MOGAT3: variants seen among roughly 807,000 people sequenced by gnomAD.
The protein encoded by MOGAT3 is monoacylglycerol O-acyltransferase 3.
A neutral mutation model predicts 34.4 loss-of-function variants in MOGAT3; 39 were observed. The ratio of observed to expected loss-of-function variants is 1.13; its 90% CI spans 0.88 to 1.48. The LOEUF is 1.48. Ranked by LOEUF, MOGAT3 falls within the 40% of genes most tolerant of loss-of-function variation. The pLI is 0.00. For missense variants in MOGAT3, 439 were observed against 438.9 expected (o/e 1.00, Z 0.00); for synonymous variants, 209 against 179.2 (o/e 1.17, Z -1.33).
rs371825899 is a variant in MOGAT3 at position 101,196,171 on chromosome 7, G to C, written c.871+16C>G. 5 of 1,570,344 alleles carry C rather than the reference G, an allele frequency of 3.2e-6. No homozygotes were observed. Among genetic ancestry groups the C allele is most frequent in the Non-Finnish European group, 3.5e-6 (4 of 1,157,426 alleles). ...CGCAGCTGCTGGTGGCCGTCCCCCC[G>C]GAGGTGGGCACTCACCCACAGTGGT... On this transcript the variant is annotated intron_variant, in intron 6 of 6. Transcript: ENST00000223114.
rs1235672322 is a variant in MOGAT3 at position 101,195,751 on chromosome 7, C to T, written c.*195G>A. 2 of 597,170 alleles carry T rather than the reference C, an allele frequency of 3.3e-6. No homozygotes were observed. Among genetic ancestry groups the T allele is most frequent in the Non-Finnish European group, 5.9e-6 (2 of 339,338 alleles). 37.0% of individuals were successfully genotyped at this position (597,170 alleles called of 1,614,324 possible). A position where few individuals can be genotyped will look rare whatever the true frequency, so the allele number is the denominator to read the frequency against. ...TAATTTTTGTAGAAATGAAGTCTCA[C>T]TGTGTTGCCCAGGCTGGTCTTCAAC... is the stretch of plus-strand genomic sequence containing the variant. On this transcript the variant is annotated 3_prime_UTR_variant, in exon 7 of 7. Coordinates refer to ENST00000223114, the MANE Select transcript of MOGAT3 (RefSeq NM_178176.4).
chr7:101,198,398 A>T (rs1797858617), intron 4 of MOGAT3, 33 bp from the exon 5 acceptor site: 1 of 1,520,044 alleles, frequency 6.6e-7, no homozygotes, highest in African/African-American at 1.4e-5. Context: ...AGTAGTTCCC[A>T]TCTGCCTCCA....
chr7:101,200,018 A>G (rs999587217), intron 3 of MOGAT3, among the ~76,000 whole-genome samples: 2 of 151,526 alleles, frequency 1.3e-5, no homozygotes, highest in African/African-American at 4.8e-5. Flanking sequence ...GCTTGAACCT[A>G]GGAGGCGGAG....
intron 5 of MOGAT3, among the ~76,000 whole-genome samples, chr7:101,196,708 A>C (rs1193756834): frequency 6.6e-6 from 1 of 152,110 alleles, no homozygotes; most frequent in Non-Finnish European, 1.5e-5. Flanking sequence ...CGTCTCTGCA[A>C]AAACATAAAA....
chr7:101,198,536 G>T, intron 4 of MOGAT3, 90 bp downstream of exon 4: 1 of 1,378,716 alleles, frequency 7.3e-7, no homozygotes. Context: ...CCTGGGTGGG[G>T]GACTTATTAT....
chr7:101,196,139 A>G, intron 6 of MOGAT3, 39 bp from the exon 7 acceptor site: 3 of 1,580,416 alleles, frequency 1.9e-6, no homozygotes, highest in Non-Finnish European at 2.6e-6. Flanking sequence ...GGGATCCCTG[A>G]TGCCCACGCA....
rs571569216 is a variant in MOGAT3, at chr7:101,198,371, G to A, written c.494-6C>T. ...GCGGCTCACCGGACAGAGTCCTGTG[G>A]GCAGGAGGAGGTGGAAAGTAGTTCC... On this transcript the variant is annotated splice_region_variant and splice_polypyrimidine_tract_variant and intron_variant, in intron 4 of 6. Coordinates refer to ENST00000223114, the MANE Select transcript of MOGAT3 (RefSeq NM_178176.4). The A allele has an allele frequency of 2.6e-6, 4 of 1,532,336 alleles. No homozygotes were observed. In the East Asian group the frequency reaches 9.1e-5, roughly 35 times the overall value. 94.9% of individuals were successfully genotyped at this position (1,532,336 alleles called of 1,614,324 possible). A position where few individuals can be genotyped will look rare whatever the true frequency, so the allele number is the denominator to read the frequency against.
At position 101,196,273 on chromosome 7, in the gene MOGAT3, A is replaced by G. The variant is rs1355883425; in HGVS notation, c.785T>C (p.Phe262Ser). ...CQLTFKKLMG[F>S]SPCIFWGRGL... ...GCGACCCCAGAAGATGCAAGGAGAG[A>G]AGCCCATGAGCTTCTTGAAGGTGAG... The change falls in exon 6 of 7, where the codon TTC (phenylalanine) becomes TCC (serine). Residue 262 changes from phenylalanine to serine, a missense_variant. Transcript: ENST00000223114. The G allele has an allele frequency of 1.2e-6, 2 of 1,612,482 alleles. No homozygotes were observed. Among genetic ancestry groups the G allele is most frequent in the Non-Finnish European group, 1.7e-6 (2 of 1,179,372 alleles).
chr7:101,198,738 G>T lies in MOGAT3; in HGVS notation c.381C>A (p.Phe127Leu). ...GGGAGAAGCCATTGCTCTCGGTGGA[G>T]AAATTACAGAGGAAGCCTGTACACA... ...GIMCTGFLCNFSTESNGFSQL... is the reference protein window; with the variant it reads ...GIMCTGFLCNLSTESNGFSQL... Residue 127 changes from phenylalanine to leucine, a missense_variant, in exon 4 of 7, where the codon TTC (phenylalanine) becomes TTA (leucine). Coordinates refer to ENST00000223114, the MANE Select transcript of MOGAT3 (RefSeq NM_178176.4). 6.2e-7 allele frequency: 1 copy of T among 1,613,498 alleles called. No individual in the cohort carries two copies.
intron 3 of MOGAT3, among the ~76,000 whole-genome samples, chr7:101,199,649 C>G (rs1010265316): frequency 4.4e-5 from 6 of 136,640 alleles, no homozygotes; most frequent in African/African-American, 1.7e-4. Flanking sequence ...CGGTCTCACT[C>G]TGTTGCTCAG....
Position 101,196,401 on chromosome 7 carries a change from C to A in MOGAT3, c.669-12G>T. 6.3e-7 allele frequency: 1 copy of A among 1,596,072 alleles called. No individual in the cohort carries two copies. Among genetic ancestry groups the A allele is most frequent in the Non-Finnish European group, 8.5e-7 (1 of 1,169,878 alleles). On this transcript the variant is annotated splice_polypyrimidine_tract_variant and intron_variant, in intron 5 of 6. Transcript: ENST00000223114. ...GCACCAGGGACGCCCTGGGAAGGAG[C>A]AAGAGAGAAGAGGGGGCTCAGGCTG... is the stretch of plus-strand genomic sequence containing the variant.
chr7:101,200,508 G>T lies in MOGAT3; in HGVS notation c.117C>A (p.Phe39Leu). 1 of 1,590,440 alleles carries T rather than the reference G, an allele frequency of 6.3e-7. No individual in the cohort carries two copies. The highest frequency in any genetic ancestry group is 1.8e-5 in the Admixed American group (1 of 55,538). ...GGAGGACAAAGACAAGAAGGGAGAA[G>T]AAAGGGCCTGGGGGAAGGGAGAGAA... ...YVLTFLFMGPFFSLLVFVLLF... is the reference protein window; with the variant it reads ...YVLTFLFMGPLFSLLVFVLLF... The change falls in exon 2 of 7, where the codon TTC (phenylalanine) becomes TTA (leucine). Residue 39 changes from phenylalanine to leucine, a missense_variant. Coordinates refer to ENST00000223114, the MANE Select transcript of MOGAT3 (RefSeq NM_178176.4).
chr7:101,200,573 G>C, intron 1 of MOGAT3, 58 bp from the exon 2 acceptor site: 1 of 1,429,068 alleles, frequency 7.0e-7, no homozygotes, highest in African/African-American at 1.4e-5. Flanking sequence ...ATTCCCTCCA[G>C]CTGCTCCCTT....
chr7:101,197,110 C>T (rs1797812191), intron 5 of MOGAT3, among the ~76,000 whole-genome samples: 1 of 152,186 alleles, frequency 6.6e-6, no homozygotes. Flanking sequence ...CACACCACTG[C>T]ACTCCAGCCT....
downstream of MOGAT3, chr7:101,194,903 C>G (rs111837401): frequency 6.6e-6 from 1 of 152,280 alleles, no homozygotes; most frequent in African/African-American, 2.4e-5. Flanking sequence ...CTTGGAATTC[C>G]GCCATCTACC....
At chr7:101,193,753 C>T (rs530071402), downstream of MOGAT3, among the ~76,000 whole-genome samples, 1 of 152,168 alleles carries the variant, frequency 6.6e-6, no homozygotes, top group South Asian at 2.1e-4. Flanking sequence ...TATGCTCCAA[C>T]TTAAAATGAA....
intron 5 of MOGAT3, 46 bp downstream of exon 5, chr7:101,198,145 A>G (rs1371723141): frequency 6.4e-7 from 1 of 1,567,940 alleles, no homozygotes; most frequent in African/African-American, 1.4e-5. Context: ...GAGAGAGGGC[A>G]TAAACCAGCA....
chr7:101,200,568 C>T (rs1166976956), intron 1 of MOGAT3, 53 bp from the exon 2 acceptor site: 6 of 1,437,860 alleles, frequency 4.2e-6, no homozygotes, highest in Non-Finnish European at 5.7e-6. Context: ...CCATCATTCC[C>T]TCCAGCTGCT....
In MOGAT3 at chr7:101,200,475, C is replaced by T. The variant is rs1039718673; in HGVS notation, c.150G>A (p.Thr50=). The change falls in exon 2 of 7, where the codon ACG becomes ACA. Residue 50 remains threonine (T), a synonymous_variant. Coordinates refer to ENST00000223114, the MANE Select transcript of MOGAT3 (RefSeq NM_178176.4). ...AAAAAACAGAGAAGGGCCAGAGTGA[C>T]GTGAAGAGGAGGACAAAGACAAGAA... ...FSLLVFVLLF[T]SLWPFSVFYL... is the part of the protein sequence containing the mutation. 1.4e-5 allele frequency: 23 copies of T among 1,605,684 alleles called. 1 individual carries two copies. The highest frequency in any genetic ancestry group is 5.4e-5 in the African/African-American group (4 of 74,606).
Sources: allele counts gnomAD v4.1 joint callset (sites outside exome capture counted in the v4.1 genomes callset), GRCh38; gene constraint gnomAD v4.1.1; transcripts MANE v1.5; gene names NCBI Gene and HGNC (gene_info 2026-07-23, HGNC 2026-07-21).